LMBRD1: variants seen among roughly 807,000 people sequenced by gnomAD.
LMBRD1 encodes lysosomal cobalamin transport escort protein LMBD1.
Under a neutral mutation model 74.8 loss-of-function variants are expected in LMBRD1, and 64 were observed. That is an observed-to-expected ratio of 0.86 (90% CI 0.70 to 1.05). LMBRD1 has a LOEUF of 1.05. Among genes scored for constraint, LMBRD1 ranks in the 50% least tolerant of loss-of-function variants. The probability of loss-of-function intolerance (pLI) is 0.00; values close to 1 mark genes in which losing one functional copy is unlikely to be tolerated. For synonymous variants in LMBRD1, 204 were observed against 216.3 expected, an observed-to-expected ratio of 0.94 and a Z score of 0.50; for missense variants, 652 against 645.9, an observed-to-expected ratio of 1.01 and a Z score of -0.10.
At chr6:69,780,242 TG>T (rs1448555447) in intron 3 of LMBRD1, among the ~76,000 whole-genome samples, 2 of 151,432 alleles carry the variant, frequency 1.3e-5, no homozygotes, top group Admixed American at 6.6e-5. Context: ...CTGGTATCCG[TG>T]GCAGGTGGGG....
chr6:69,738,250 G>A (rs1025370035), intron 6 of LMBRD1, among the ~76,000 whole-genome samples: 7 of 151,956 alleles, frequency 4.6e-5, no homozygotes, highest in South Asian at 2.1e-4. Context: ...TTTCCTTCAC[G>A]TCTTAAAATT....
chr6:69,757,130 C>G (rs1765283769), intron 3 of LMBRD1, among the ~76,000 whole-genome samples: 1 of 152,064 alleles, frequency 6.6e-6, no homozygotes, highest in Non-Finnish European at 1.5e-5. Flanking sequence ...GACGATCACA[C>G]AGCAATAAAA....
intron 3 of LMBRD1, among the ~76,000 whole-genome samples, chr6:69,757,945 C>T (rs1765300613): frequency 2.0e-5 from 3 of 151,992 alleles, no homozygotes; most frequent in South Asian, 4.1e-4. Context: ...AGAAATTGAG[C>T]GAAATTAAAC....
intron 7 of LMBRD1, among the ~76,000 whole-genome samples, chr6:69,725,649 C>T (rs1245538416): frequency 6.6e-6 from 1 of 152,056 alleles, no homozygotes; most frequent in Non-Finnish European, 1.5e-5. Flanking sequence ...ACGGCTTCTT[C>T]AATAAACAGT....
At chr6:69,680,239 TTTAA>T (rs1296712080) in intron 14 of LMBRD1, among the ~76,000 whole-genome samples, 2 of 152,168 alleles carry the variant, frequency 1.3e-5, no homozygotes, top group Non-Finnish European at 2.9e-5. Context: ...TCATTCATGG[TTTAA>T]GTATTACTTT....
At chr6:69,696,385 T>G (rs1262626511) in intron 14 of LMBRD1, among the ~76,000 whole-genome samples, 19 of 152,162 alleles carry the variant, frequency 1.2e-4, no homozygotes, top group Admixed American at 1.2e-3. Flanking sequence ...CTGCTATAAT[T>G]AACTTACTAA....
chr6:69,787,720 A>G (rs938869407), intron 2 of LMBRD1, among the ~76,000 whole-genome samples: 1 of 152,186 alleles, frequency 6.6e-6, no homozygotes, highest in African/African-American at 2.4e-5. Context: ...GAAAAGTAGA[A>G]AAAAACAAGA....
chr6:69,679,772 G>A (rs2149833969), intron 14 of LMBRD1, among the ~76,000 whole-genome samples: 1 of 152,162 alleles, frequency 6.6e-6, no homozygotes, highest in South Asian at 2.1e-4. Flanking sequence ...CTGAACTGTG[G>A]AGCCTGTGGA....
chr6:69,685,787 G>A (rs958993728), intron 14 of LMBRD1, among the ~76,000 whole-genome samples: 1 of 152,052 alleles, frequency 6.6e-6, no homozygotes, highest in African/African-American at 2.4e-5. Context: ...GGTGACAAGC[G>A]AGGCTCCGTC....
chr6:69,728,615 A>G (rs779115522), intron 7 of LMBRD1, among the ~76,000 whole-genome samples: 1 of 152,184 alleles, frequency 6.6e-6, no homozygotes, highest in African/African-American at 2.4e-5. Flanking sequence ...GTCAGTATTA[A>G]CAACATGGCC....
At chr6:69,796,706 G>C (rs921090551) in intron 1 of LMBRD1, 107 bp downstream of exon 1, 4 of 1,038,012 alleles carry the variant, frequency 3.9e-6, no homozygotes, top group Non-Finnish European at 5.9e-6. Context: ...CTAAAAGCGG[G>C]GCGGGGCGAA....
At chr6:69,710,879 C>T (rs1278040768) in intron 9 of LMBRD1, among the ~76,000 whole-genome samples, 1 of 152,124 alleles carries the variant, frequency 6.6e-6, no homozygotes, top group African/African-American at 2.4e-5. Flanking sequence ...ACGGTTGTAA[C>T]CCTTTTGGAA....
At chr6:69,734,151 T>G (rs1766923233) in intron 7 of LMBRD1, among the ~76,000 whole-genome samples, 1 of 152,182 alleles carries the variant, frequency 6.6e-6, no homozygotes, top group African/African-American at 2.4e-5. Context: ...TGCTAGGAAG[T>G]TGGATCTTAG....
At chr6:69,753,934 G>A (rs1189448734) in intron 3 of LMBRD1, among the ~76,000 whole-genome samples, 4 of 146,368 alleles carry the variant, frequency 2.7e-5, no homozygotes, top group South Asian at 2.1e-4. Context: ...GAGAGACTCC[G>A]TCTCAAAAAA....
At chr6:69,689,326 A>G (rs368016696) in intron 14 of LMBRD1, among the ~76,000 whole-genome samples, 63 of 152,208 alleles carry the variant, frequency 4.1e-4, no homozygotes, top group African/African-American at 1.4e-3. Context: ...TATACTGTCA[A>G]CTCTCCAAAC....
At chr6:69,709,605 T>A (rs1019549752) in intron 9 of LMBRD1, among the ~76,000 whole-genome samples, 2 of 152,294 alleles carry the variant, frequency 1.3e-5, no homozygotes, top group East Asian at 1.9e-4. Flanking sequence ...ACAAATCTTA[T>A]AAGGAAGAAG....
chr6:69,744,807 C>G (rs992242325), intron 5 of LMBRD1, among the ~76,000 whole-genome samples: 3 of 152,092 alleles, frequency 2.0e-5, no homozygotes, highest in African/African-American at 7.2e-5. Context: ...AACCCAACAC[C>G]CAAAATCCTC....
chr6:69,734,878 C>A (rs1458458023), intron 7 of LMBRD1, among the ~76,000 whole-genome samples: 1 of 152,106 alleles, frequency 6.6e-6, no homozygotes, highest in Non-Finnish European at 1.5e-5. Flanking sequence ...ACAAAATACT[C>A]AACTTTTGGT....
intron 7 of LMBRD1, among the ~76,000 whole-genome samples, chr6:69,722,142 C>T (rs1466361843): frequency 1.3e-5 from 2 of 152,152 alleles, no homozygotes; most frequent in African/African-American, 4.8e-5. Flanking sequence ...GCATGACATA[C>T]TTAAAGTGCT....
Sources: allele counts gnomAD v4.1 joint callset (sites outside exome capture counted in the v4.1 genomes callset), GRCh38; gene constraint gnomAD v4.1.1; transcripts MANE v1.5; gene names NCBI Gene and HGNC (gene_info 2026-07-23, HGNC 2026-07-21).